IL1RAPL1: variants seen among roughly 807,000 people sequenced by gnomAD.
IL1RAPL1 encodes the protein interleukin-1 receptor accessory protein-like 1.
A neutral mutation model predicts 48.4 loss-of-function variants in IL1RAPL1; 3 were observed. The ratio of observed to expected loss-of-function variants is 0.06; its 90% CI spans 0.03 to 0.16. The LOEUF is 0.16. Ranked by LOEUF, IL1RAPL1 falls within the 10% of genes least tolerant of loss-of-function variation. The pLI is 1.00. For missense variants in IL1RAPL1, 349 were observed against 530.6 expected (o/e 0.66, Z 3.36); for synonymous variants, 185 against 187.7 (o/e 0.99, Z 0.12).
intron 6 of IL1RAPL1, among the ~76,000 whole-genome samples, chrX:29,704,686 AAGAAAT>A (rs1218825449): frequency 9.0e-6 from 1 of 111,586 alleles, no homozygotes; most frequent in Non-Finnish European, 1.9e-5. Flanking sequence ...AAAGAAAAAA[AAGAAAT>A]AGAAAACCTA....
At chrX:29,828,107 A>G (rs1219751651) in intron 6 of IL1RAPL1, among the ~76,000 whole-genome samples, 1 of 111,923 alleles carries the variant, frequency 8.9e-6, no homozygotes, top group African/African-American at 3.3e-5. Flanking sequence ...GTAAAGGCCC[A>G]AAGGCTGGGA....
chrX:28,960,985 G>GA (rs1924756036), intron 2 of IL1RAPL1, among the ~76,000 whole-genome samples: 1 of 94,674 alleles, frequency 1.1e-5, no homozygotes, highest in Non-Finnish European at 2.1e-5. Context: ...ACTCCAGCCT[G>GA]GGCGACAGAG....
At chrX:29,925,483 C>G (rs1227486623) in intron 8 of IL1RAPL1, among the ~76,000 whole-genome samples, 1 of 76,442 alleles carries the variant, frequency 1.3e-5, no homozygotes, top group African/African-American at 5.2e-5. Flanking sequence ...TATAAGACGT[C>G]TAATAGCACA....
chrX:29,276,686 T>C (rs1602147575), intron 2 of IL1RAPL1, among the ~76,000 whole-genome samples: 1 of 111,480 alleles, frequency 9.0e-6, no homozygotes, highest in Non-Finnish European at 1.9e-5. Context: ...AATGAGGTTT[T>C]TTTTTCTTTT....
At chrX:29,331,878 C>G (rs997700530) in intron 3 of IL1RAPL1, among the ~76,000 whole-genome samples, 1 of 110,243 alleles carries the variant, frequency 9.1e-6, no homozygotes, top group Non-Finnish European at 1.9e-5. Flanking sequence ...AACTTCATCC[C>G]CAGTAAAATG....
chrX:29,321,181 T>C (rs1385937514), intron 3 of IL1RAPL1, among the ~76,000 whole-genome samples: 2 of 112,102 alleles, frequency 1.8e-5, no homozygotes, highest in Non-Finnish European at 3.8e-5. Flanking sequence ...AGATGAGTGG[T>C]GATCTGTGTT....
intron 1 of IL1RAPL1, among the ~76,000 whole-genome samples, chrX:28,732,426 G>A (rs183477367): frequency 2.7e-5 from 3 of 111,768 alleles, no homozygotes; most frequent in Non-Finnish European, 5.6e-5. Context: ...ATATAAATAG[G>A]ATCAAGTTAA....
intron 5 of IL1RAPL1, among the ~76,000 whole-genome samples, chrX:29,463,176 G>A (rs761084482): frequency 7.1e-4 from 66 of 93,291 alleles, no homozygotes; most frequent in African/African-American, 2.3e-3. Context: ...AATACCAAAG[G>A]AATGCCAGAT....
At chrX:28,877,633 G>A (rs1684540468) in intron 2 of IL1RAPL1, among the ~76,000 whole-genome samples, 1 of 111,978 alleles carries the variant, frequency 8.9e-6, no homozygotes, top group South Asian at 3.7e-4. Flanking sequence ...TAATAAAACA[G>A]GAAATGGTTT....
intron 6 of IL1RAPL1, among the ~76,000 whole-genome samples, chrX:29,915,496 T>C (rs1305200705): frequency 8.9e-6 from 1 of 111,980 alleles, no homozygotes; most frequent in Non-Finnish European, 1.9e-5. Context: ...GTGGAACTTG[T>C]AGAATTAAGT....
At chrX:29,604,178 A>T (rs1016324618) in intron 5 of IL1RAPL1, among the ~76,000 whole-genome samples, 1 of 111,854 alleles carries the variant, frequency 8.9e-6, no homozygotes, top group Non-Finnish European at 1.9e-5. Context: ...GGCCACATCA[A>T]CCTCTTTCCC....
intron 1 of IL1RAPL1, among the ~76,000 whole-genome samples, chrX:28,593,499 G>A (rs754339933): frequency 4.5e-5 from 5 of 111,303 alleles, no homozygotes; most frequent in African/African-American, 1.3e-4. Flanking sequence ...TATCAAATAC[G>A]ATAAATGGCA....
At chrX:29,830,309 T>C (rs144165488) in intron 6 of IL1RAPL1, among the ~76,000 whole-genome samples, 83 of 111,919 alleles carry the variant, frequency 7.4e-4, no homozygotes, top group Non-Finnish European at 7.5e-4. Context: ...AGCAATTCTA[T>C]TGAGGGAGCA....
At chrX:29,337,686 T>C (rs763268430) in intron 3 of IL1RAPL1, among the ~76,000 whole-genome samples, 1 of 111,596 alleles carries the variant, frequency 9.0e-6, no homozygotes, top group East Asian at 2.8e-4. Flanking sequence ...ATTTATTTAT[T>C]TTTTTTGAGA....
chrX:29,333,561 G>T (rs1932918348), intron 3 of IL1RAPL1, among the ~76,000 whole-genome samples: 1 of 99,426 alleles, frequency 1.0e-5, no homozygotes, highest in African/African-American at 3.9e-5. Flanking sequence ...TCCAGGATGG[G>T]GCGGCTGGCC....
intron 9 of IL1RAPL1, among the ~76,000 whole-genome samples, chrX:29,943,288 G>T (rs181870440): frequency 6.2e-4 from 69 of 111,873 alleles, no homozygotes; most frequent in African/African-American, 2.1e-3. Flanking sequence ...CTTTGCCATT[G>T]TCGGAACTAC....
chrX:29,241,614 G>A (rs1931423675), intron 2 of IL1RAPL1, among the ~76,000 whole-genome samples: 1 of 111,284 alleles, frequency 9.0e-6, no homozygotes, highest in Admixed American at 9.6e-5. Flanking sequence ...CACAATTGTT[G>A]GAAACAGAAA....
chrX:29,693,450 A>G (rs1926828124), intron 6 of IL1RAPL1, among the ~76,000 whole-genome samples: 1 of 102,302 alleles, frequency 9.8e-6, no homozygotes, highest in African/African-American at 4.0e-5. Context: ...TTTCCATGTG[A>G]TTTTAGAAGG....
At chrX:29,616,831 T>G (rs1301017339) in intron 5 of IL1RAPL1, among the ~76,000 whole-genome samples, 2 of 112,019 alleles carry the variant, frequency 1.8e-5, no homozygotes, top group African/African-American at 3.2e-5. Context: ...AATGGATTCA[T>G]TGCTTTTGTC....
Sources: allele counts gnomAD v4.1 joint callset (sites outside exome capture counted in the v4.1 genomes callset), GRCh38; gene constraint gnomAD v4.1.1; transcripts MANE v1.5; gene names NCBI Gene and HGNC (gene_info 2026-07-23, HGNC 2026-07-21).